Variants in C1orf185 observed in about 807,000 individuals in gnomAD.
C1orf185 encodes the protein uncharacterized protein C1orf185.
A neutral mutation model predicts 16.1 loss-of-function variants in C1orf185; 13 were observed. The ratio of observed to expected loss-of-function variants is 0.81; its 90% confidence interval spans 0.53 to 1.28. The LOEUF (loss-of-function observed/expected upper bound fraction) is 1.28, where lower values mean the gene tolerates loss of function less well. Among genes scored for constraint, C1orf185 ranks in the 50% most tolerant of loss-of-function variants. C1orf185 has a pLI of 0.00. For synonymous variants in C1orf185, 80 were observed against 76.9 expected, an observed-to-expected ratio of 1.04 and a Z score of -0.21; for missense variants, 220 against 225.2, an observed-to-expected ratio of 0.98 and a Z score of 0.15.
At chr1:51,130,523 T>C (rs1646275730) in intron 3 of C1orf185, among the ~76,000 whole-genome samples, 1 of 152,160 alleles carries the variant, frequency 6.6e-6, no homozygotes, top group Non-Finnish European at 1.5e-5. Flanking sequence ...CATTTGATAC[T>C]ATCTATATTG....
At chr1:51,139,618 C>T (rs1018527596) in intron 3 of C1orf185, among the ~76,000 whole-genome samples, 1 of 152,152 alleles carries the variant, frequency 6.6e-6, no homozygotes, top group African/African-American at 2.4e-5. Context: ...AAATCTATTA[C>T]TTCACAGTGT....
chr1:51,109,654 T>C (rs940668749), intron 1 of C1orf185, among the ~76,000 whole-genome samples: 1 of 152,186 alleles, frequency 6.6e-6, no homozygotes, highest in African/African-American at 2.4e-5. Context: ...GGTTGTTCTT[T>C]CTCCGGTGAG....
intron 3 of C1orf185, among the ~76,000 whole-genome samples, chr1:51,122,035 T>C (rs1410197696): frequency 6.6e-6 from 1 of 152,204 alleles, no homozygotes; most frequent in Non-Finnish European, 1.5e-5. Flanking sequence ...AGACTCCATA[T>C]CTAATCTTTC....
intron 3 of C1orf185, among the ~76,000 whole-genome samples, chr1:51,127,697 C>T (rs575617452): frequency 1.3e-3 from 199 of 152,094 alleles, no homozygotes; most frequent in Non-Finnish European, 2.3e-3. Flanking sequence ...TTGGGGCTCA[C>T]CCATGTTATT....
At chr1:51,112,385 A>G in intron 1 of C1orf185, 79 bp from the exon 2 acceptor site, 1 of 1,158,690 alleles carries the variant, frequency 8.6e-7, no homozygotes, top group Non-Finnish European at 1.2e-6. Flanking sequence ...ATGCTATATC[A>G]TTTGAAGTTT....
At chr1:51,137,287 C>G (rs1208853349) in intron 3 of C1orf185, among the ~76,000 whole-genome samples, 1 of 152,100 alleles carries the variant, frequency 6.6e-6, no homozygotes, top group African/African-American at 2.4e-5. Flanking sequence ...AATCCCAGCA[C>G]TTTGGGAGGC....
At chr1:51,108,904 C>G (rs2148009447) in intron 1 of C1orf185, among the ~76,000 whole-genome samples, 1 of 152,282 alleles carries the variant, frequency 6.6e-6, no homozygotes, top group East Asian at 1.9e-4. Flanking sequence ...CTTTAGTATA[C>G]TGATTTCCTT....
At chr1:51,127,859 C>T (rs1447141115) in intron 3 of C1orf185, among the ~76,000 whole-genome samples, 1 of 147,618 alleles carries the variant, frequency 6.8e-6, no homozygotes, top group Non-Finnish European at 1.5e-5. Flanking sequence ...TTTTAGTGAA[C>T]ATATATTCTC....
intron 1 of C1orf185, among the ~76,000 whole-genome samples, chr1:51,103,841 T>C (rs1023722813): frequency 6.6e-6 from 1 of 152,204 alleles, no homozygotes; most frequent in African/African-American, 2.4e-5. Context: ...AGCCATTATG[T>C]TATTAATTTC....
intron 3 of C1orf185, among the ~76,000 whole-genome samples, chr1:51,125,347 A>G: frequency 6.6e-6 from 1 of 152,214 alleles, no homozygotes; most frequent in Non-Finnish European, 1.5e-5. Context: ...GAGGACTTAT[A>G]AGAAACAGGC....
intron 1 of C1orf185, among the ~76,000 whole-genome samples, chr1:51,109,662 G>T (rs1646101748): frequency 6.6e-6 from 1 of 152,116 alleles, no homozygotes; most frequent in Non-Finnish European, 1.5e-5. Flanking sequence ...TTTCTCCGGT[G>T]AGTGTTCCTG....
At chr1:51,132,413 C>A (rs1057248210) in intron 3 of C1orf185, among the ~76,000 whole-genome samples, 9 of 152,068 alleles carry the variant, frequency 5.9e-5, no homozygotes, top group African/African-American at 2.2e-4. Flanking sequence ...CCTGATAGAG[C>A]TGAAAAACAC....
At chr1:51,113,359 AATT>A (rs1557643885) in intron 2 of C1orf185, among the ~76,000 whole-genome samples, 1 of 151,604 alleles carries the variant, frequency 6.6e-6, no homozygotes. Context: ...TGCTGTTTCT[AATT>A]ATTAATTATT....
At chr1:51,121,520 G>GA (rs937188679) in intron 3 of C1orf185, among the ~76,000 whole-genome samples, 3 of 151,644 alleles carry the variant, frequency 2.0e-5, no homozygotes, top group Non-Finnish European at 2.9e-5. Flanking sequence ...ACTAGAATAA[G>GA]AAAAAAAATA....
intron 3 of C1orf185, among the ~76,000 whole-genome samples, chr1:51,135,004 C>T (rs1359624737): frequency 6.6e-6 from 1 of 152,066 alleles, no homozygotes; most frequent in Non-Finnish European, 1.5e-5. Flanking sequence ...TCTATGAGGC[C>T]AGCATCATCC....
At chr1:51,146,062 C>T (rs181265951) in intron 4 of C1orf185, among the ~76,000 whole-genome samples, 9 of 152,242 alleles carry the variant, frequency 5.9e-5, no homozygotes, top group African/African-American at 1.7e-4. Context: ...CATATTACAT[C>T]TTAGTACCTC....
intron 2 of C1orf185, among the ~76,000 whole-genome samples, chr1:51,116,021 G>A (rs971021309): frequency 2.0e-5 from 3 of 152,096 alleles, no homozygotes; most frequent in African/African-American, 7.2e-5. Flanking sequence ...ATGAAAGGGA[G>A]GAGCAATTTA....
intron 3 of C1orf185, among the ~76,000 whole-genome samples, chr1:51,129,335 T>C (rs866501996): frequency 1.1e-4 from 17 of 152,106 alleles, no homozygotes; most frequent in Non-Finnish European, 2.2e-4. Flanking sequence ...ACTCCCTCCC[T>C]CCCTTTCCCT....
chr1:51,128,659 C>T (rs1646260239), intron 3 of C1orf185, among the ~76,000 whole-genome samples: 1 of 151,926 alleles, frequency 6.6e-6, no homozygotes. Context: ...TGCCACTGCG[C>T]TCCAGCCTGG....
Sources: gnomAD v4.1 joint callset for allele counts (sites outside exome capture counted in the v4.1 genomes callset) on GRCh38, gnomAD v4.1.1 for gene constraint, MANE v1.5 for transcripts, NCBI Gene and HGNC (gene_info 2026-07-23, HGNC 2026-07-21) for gene names.